The following ARHGEF18 variants were observed in gnomAD, a reference collection of about 807,000 sequenced individuals.
ARHGEF18 encodes Rho/Rac guanine nucleotide exchange factor 18.
ARHGEF18 carries 93 observed loss-of-function variants against 155.7 expected under a neutral mutation model. That is an observed-to-expected ratio of 0.60 (90% confidence interval 0.50 to 0.71). ARHGEF18 has a LOEUF of 0.71. Ranked by LOEUF, ARHGEF18 falls within the 30% of genes least tolerant of loss-of-function variation. ARHGEF18 has a pLI of 0.00. For synonymous variants in ARHGEF18, 742 were observed against 753.1 expected (o/e 0.99, Z 0.24); for missense variants, 1,593 against 1,816.1 (o/e 0.88, Z 2.23).
chr19:7,352,531 CTTTTT>C (rs35219215), intron 1 of ARHGEF18, among the ~76,000 whole-genome samples: 1 of 93,196 alleles, frequency 1.1e-5, no homozygotes, highest in Non-Finnish European at 1.9e-5. Context: ...CCTAGGTTTC[CTTTTT>C]TTTTTTTTTT....
At position 7,469,145 on chromosome 19, in the gene ARHGEF18, A is replaced by T; in HGVS notation, c.3787+14A>T. The stretch of plus-strand genomic sequence containing the variant: ...GGGAGAGCTCAGGTGAGCCGGCCCC[A>T]CCCCTTCGCCTGGGCCTGGAAGGTG... On this transcript the variant is annotated intron_variant, in intron 27 of 28. Coordinates refer to ENST00000668164, the MANE Select transcript of ARHGEF18 (RefSeq NM_001367823.1). 2 of 1,571,254 alleles carry T rather than the reference A, an allele frequency of 1.3e-6. No individual in the cohort carries two copies. The highest frequency in any genetic ancestry group is 1.7e-6 in the Non-Finnish European group (2 of 1,158,352).
intron 17 of ARHGEF18, among the ~76,000 whole-genome samples, chr19:7,454,973 C>G (rs1975735049): frequency 6.6e-6 from 1 of 152,168 alleles, no homozygotes; most frequent in Admixed American, 6.5e-5. Context: ...GCTCCGAGCC[C>G]TACTTTCAAG....
At chr19:7,355,762 C>T (rs1315458730) in intron 1 of ARHGEF18, 2 of 965,318 alleles carry the variant, frequency 2.1e-6, no homozygotes, top group East Asian at 2.3e-4. Flanking sequence ...CCCAGGACAG[C>T]CTGCCCGCCA....
chr19:7,378,607 C>T (rs1019174780), intron 6 of ARHGEF18, among the ~76,000 whole-genome samples, 156 bp downstream of exon 6: 6 of 151,720 alleles, frequency 4.0e-5, no homozygotes, highest in Admixed American at 1.3e-4. Flanking sequence ...CATCTTTCTG[C>T]CACCATCCTT....
At chr19:7,379,880 A>T (rs1392366905) in intron 7 of ARHGEF18, among the ~76,000 whole-genome samples, 1 of 152,036 alleles carries the variant, frequency 6.6e-6, no homozygotes, top group African/African-American at 2.4e-5. Flanking sequence ...ACATTTAAAA[A>T]TTTGCTGGGC....
In ARHGEF18 at chr19:7,412,402, G is replaced by T. The variant is rs530926465; in HGVS notation, c.968-27942G>T. Among the ~76,000 whole-genome samples, 10 of 150,492 alleles carry T rather than the reference G, an allele frequency of 6.6e-5. No homozygotes were observed. In the East Asian group the frequency reaches 2.0e-3, roughly 30 times the overall value. On this transcript the variant is annotated intron_variant, in intron 10 of 28. Transcript: ENST00000668164. ...CTACCAGCAGTGTATGAGGGTCCTG[G>T]TTTCTCCGCCTTCTCACCGAGACAC...
chr19:7,440,557 G>A lies in ARHGEF18; in HGVS notation c.1106+75G>A. On this transcript the variant is annotated intron_variant, in intron 11 of 28. Transcript: ENST00000668164. This position sits in a 1 kb window ranked among gnomAD's most constrained non-coding sequence, Gnocchi z 5.4. ...GGGAGCTGTTGACAGCCTCTTCGGA[G>A]GGAGACCCCGACTTAGATCTGTGTG... 1 of 1,494,480 alleles carries A rather than the reference G, an allele frequency of 6.7e-7. No individual in the cohort carries two copies. The highest frequency in any genetic ancestry group is 2.3e-5 in the East Asian group (1 of 43,594). 92.6% of individuals were successfully genotyped at this position (1,494,480 alleles called of 1,614,324 possible).
chr19:7,434,513 C>A (rs1974146066), intron 10 of ARHGEF18, among the ~76,000 whole-genome samples: 1 of 152,204 alleles, frequency 6.6e-6, no homozygotes, highest in Non-Finnish European at 1.5e-5. Flanking sequence ...CAGGTGCTCA[C>A]TAATCGATCG....
chr19:7,399,089 A>T (rs1350944921), intron 10 of ARHGEF18, among the ~76,000 whole-genome samples: 2 of 152,224 alleles, frequency 1.3e-5, no homozygotes, highest in African/African-American at 4.8e-5. Flanking sequence ...CCTTATATGA[A>T]GTCCAGCCAA....
the ARHGEF18 span, among the ~76,000 whole-genome samples, chr19:7,477,676 G>T: frequency 1.3e-5 from 2 of 152,040 alleles, no homozygotes; most frequent in African/African-American, 4.8e-5. Context: ...CTCACTCCTC[G>T]TCCTGAACAC....
intron 10 of ARHGEF18, among the ~76,000 whole-genome samples, chr19:7,427,645 T>TA (rs550345618): frequency 0.023 from 2,385 of 105,666 alleles, 51 homozygotes; most frequent in East Asian, 0.058. Flanking sequence ...ACCCTGTCTC[T>TA]AAAAAAAAAA....
At chr19:7,418,677 G>T (rs1219453201) in intron 10 of ARHGEF18, among the ~76,000 whole-genome samples, 1 of 152,082 alleles carries the variant, frequency 6.6e-6, no homozygotes, top group East Asian at 1.9e-4. Context: ...CTGGATCTCG[G>T]AGGTGGGGGT....
At chr19:7,411,805 G>C (rs1046653931) in intron 10 of ARHGEF18, among the ~76,000 whole-genome samples, 2 of 151,916 alleles carry the variant, frequency 1.3e-5, no homozygotes, top group African/African-American at 2.4e-5. Context: ...TCTACTTCCT[G>C]TCTCTATGAA....
intron 20 of ARHGEF18, 71 bp downstream of exon 20, chr19:7,460,065 C>T: frequency 6.9e-7 from 1 of 1,448,128 alleles, no homozygotes; most frequent in East Asian, 2.5e-5. Flanking sequence ...GGACTGGCCA[C>T]AGAGGGTGAA....
At position 7,467,526 on chromosome 19, in the gene ARHGEF18, G is replaced by A. The variant is rs1489385942; in HGVS notation, c.3322G>A (p.Glu1108Lys). The change falls in exon 26 of 29, where the codon GAG (glutamate) becomes AAG (lysine). Residue 1108 changes from glutamate to lysine, a missense_variant. Transcript: ENST00000668164. ...LRERLEQERA[E>K]LERQRQAYQH... is the part of the protein sequence containing the mutation. ...CGAGCGGCTGGAGCAGGAGCGGGCC[G>A]AGCTGGAGCGCCAGCGCCAGGCCTA... 5 of 1,440,988 alleles carry A rather than the reference G, an allele frequency of 3.5e-6. No individual in the cohort carries two copies. Among genetic ancestry groups the A allele is most frequent in the East Asian group, 2.9e-5 (1 of 34,658 alleles). The allele number at this position is 1,440,988 out of a possible 1,614,324, so 89.3% of individuals were successfully genotyped here.
intron 2 of ARHGEF18, among the ~76,000 whole-genome samples, chr19:7,364,028 AAGG>A (rs1472381564): frequency 3.8e-5 from 4 of 105,502 alleles, no homozygotes; most frequent in Non-Finnish European, 6.5e-5. Flanking sequence ...GGATGAAAGG[AAGG>A]AGGATGGATA....
At chr19:7,400,108 A>G (rs756860456) in intron 10 of ARHGEF18, among the ~76,000 whole-genome samples, 1 of 152,074 alleles carries the variant, frequency 6.6e-6, no homozygotes, top group Non-Finnish European at 1.5e-5. Flanking sequence ...GAAAAAATAT[A>G]TATTCTAAAG....
In ARHGEF18 at chr19:7,463,917, C is replaced by G; in HGVS notation, c.2735C>G (p.Thr912Ser). 3 of 1,596,670 alleles carry G rather than the reference C, an allele frequency of 1.9e-6. No individual in the cohort carries two copies. Among genetic ancestry groups the G allele is most frequent in the Non-Finnish European group, 2.6e-6 (3 of 1,172,200 alleles). Reference protein sequence around the residue: ...SSTGPPRRAETFAGYDCTNSP... With the variant: ...SSTGPPRRAESFAGYDCTNSP... ...ACAGGCCCGCCCAGGAGGGCTGAGA[C>G]CTTCGCGGGCTACGACTGCACAAAC... is the stretch of plus-strand genomic sequence containing the variant. The change falls in exon 22 of 29, where the codon ACC (threonine) becomes AGC (serine). Residue 912 changes from threonine (T) to serine (S), a missense_variant. By Grantham distance (58) the Thr-to-Ser change is moderately conservative. Transcript: ENST00000668164. The surrounding 1 kb of genome is among the most constrained non-coding windows in gnomAD (Gnocchi z 5.2).
rs760352085 is a variant in ARHGEF18, at chr19:7,459,917, AG to A, written c.2377del (p.Glu793ArgfsTer28). On this transcript the variant is annotated frameshift_variant, in exon 20 of 29. Coordinates refer to ENST00000668164, the MANE Select transcript of ARHGEF18 (RefSeq NM_001367823.1). LOFTEE classifies it high-confidence loss of function. ...TCTCCCTGCAGCTGCCCTGACGAGG[AG>A]GAGGGGCCCTTCAGCCTGCCCGAAG... Reference protein sequence around the residue: ...QRAVESCPDEEEGPFSLPEEE... With the variant: ...QRAVESCPDEXEGPFSLPEEE... 6.3e-7 allele frequency: 1 copy of A among 1,581,208 alleles called. No individual in the cohort carries two copies. Among genetic ancestry groups the A allele is most frequent in the Non-Finnish European group, 8.6e-7 (1 of 1,163,646 alleles).
Sources: gnomAD v4.1 joint callset for allele counts (sites outside exome capture counted in the v4.1 genomes callset) on GRCh38, gnomAD v4.1.1 for gene constraint, Gnocchi (gnomAD v3.1) non-coding constraint, MANE v1.5 for transcripts, NCBI Gene and HGNC (gene_info 2026-07-23, HGNC 2026-07-21) for gene names.